MTHFD2L: variants seen among roughly 807,000 people sequenced by gnomAD.
The protein encoded by MTHFD2L is bifunctional methylenetetrahydrofolate dehydrogenase/cyclohydrolase 2, mitochondrial.
A neutral mutation model predicts 34.9 loss-of-function variants in MTHFD2L; 29 were observed. That is an observed-to-expected ratio of 0.83 (90% CI 0.62 to 1.13). The LOEUF is 1.13. Ranked by LOEUF, MTHFD2L falls within the 50% of genes most tolerant of loss-of-function variation. The pLI is 0.00. For missense variants in MTHFD2L, 481 were observed against 446.5 expected, an observed-to-expected ratio of 1.08 and a Z score of -0.70; for synonymous variants, 167 against 155.7, an observed-to-expected ratio of 1.07 and a Z score of -0.54.
At chr4:74,147,563 C>T (rs976375819) in intron 1 of MTHFD2L, among the ~76,000 whole-genome samples, 6 of 152,200 alleles carry the variant, frequency 3.9e-5, no homozygotes, top group African/African-American at 1.4e-4. Context: ...ATTCATAATG[C>T]TTCCTGCAGG....
chr4:74,191,363 C>T (rs479466), intron 3 of MTHFD2L, among the ~76,000 whole-genome samples: 149,508 of 150,890 alleles, frequency 0.99, 74,074 homozygotes, highest in Middle Eastern at 1. Flanking sequence ...TTTACCTGGT[C>T]GTTTTTTTTT....
rs937978095 is a variant in MTHFD2L at position 74,140,089 on chromosome 4, G to A, written c.-297+14572G>A. Among the ~76,000 whole-genome samples the A allele has an allele frequency of 4.6e-5, 7 of 152,260 alleles. No homozygotes were observed. The South Asian group carries it at 6.2e-4, about 14-fold the overall frequency. On this transcript the variant is annotated intron_variant, in intron 1 of 7. Coordinates refer to the MTHFD2L transcript ENST00000433372. ...CTAACACTTTAGGAGGCCCAGGTGGGTGGATGGATTGAGCTCAGGAGTTTG... is the reference window on the plus strand; with the variant it reads ...CTAACACTTTAGGAGGCCCAGGTGGATGGATGGATTGAGCTCAGGAGTTTG...
intron 2 of MTHFD2L, among the ~76,000 whole-genome samples, chr4:74,117,366 T>C (rs776875968): frequency 6.6e-6 from 1 of 152,162 alleles, no homozygotes; most frequent in Non-Finnish European, 1.5e-5. Flanking sequence ...CAGCTACTAT[T>C]GTTAAGAGGA....
chr4:74,122,515 G>T (rs963206993), upstream of MTHFD2L, among the ~76,000 whole-genome samples: 2 of 152,264 alleles, frequency 1.3e-5, no homozygotes, highest in Non-Finnish European at 2.9e-5. Flanking sequence ...AATTCAACTT[G>T]GGATTTGGGT....
At chr4:74,202,013 T>C (rs1385609225) in intron 5 of MTHFD2L, among the ~76,000 whole-genome samples, 1 of 152,220 alleles carries the variant, frequency 6.6e-6, no homozygotes, top group East Asian at 1.9e-4. Context: ...CCACAGACCC[T>C]GACCCAACGA....
intron 4 of MTHFD2L, among the ~76,000 whole-genome samples, chr4:74,200,453 C>T (rs1427578487): frequency 6.6e-6 from 1 of 152,124 alleles, no homozygotes; most frequent in Non-Finnish European, 1.5e-5. Flanking sequence ...ATATGTCGGC[C>T]TTTAAAATGT....
At chr4:74,211,383 T>C (rs1736293241) in intron 5 of MTHFD2L, among the ~76,000 whole-genome samples, 1 of 152,154 alleles carries the variant, frequency 6.6e-6, no homozygotes, top group Admixed American at 6.5e-5. Flanking sequence ...ATTGAGAGTG[T>C]TTAGTATGAA....
chr4:74,120,122 T>G (rs1239415334), upstream of MTHFD2L, among the ~76,000 whole-genome samples: 2 of 152,206 alleles, frequency 1.3e-5, no homozygotes, highest in Non-Finnish European at 2.9e-5. Flanking sequence ...TTGCTATTGG[T>G]GAAGAGTTGA....
rs1480820990 is a variant in MTHFD2L at position 74,158,183 on chromosome 4, T to G, written c.45T>G (p.Leu15=). Residue 15 remains leucine (L), a synonymous_variant, in exon 1 of 8, where the codon CTT becomes CTG. Coordinates refer to ENST00000325278, the MANE Select transcript of MTHFD2L (RefSeq NM_001144978.3). ...VRGFSLLRGR[L]GRAPALGRST... ...GCTTCTCGCTGCTCCGCGGCCGCCT[T>G]GGCCGAGCGCCGGCGTTGGGCAGAA... 7 of 1,526,640 alleles carry G rather than the reference T, an allele frequency of 4.6e-6. No homozygotes were observed. Among genetic ancestry groups the G allele is most frequent in the African/African-American group, 1.4e-5 (1 of 72,430 alleles). 94.6% of individuals were successfully genotyped at this position (1,526,640 alleles called of 1,614,324 possible).
At chr4:74,153,810 A>C (rs1330780103), upstream of MTHFD2L, among the ~76,000 whole-genome samples, 1 of 152,214 alleles carries the variant, frequency 6.6e-6, no homozygotes, top group East Asian at 1.9e-4. Flanking sequence ...TTCAGAAAAT[A>C]GTACTGAGTT....
intron 5 of MTHFD2L, among the ~76,000 whole-genome samples, chr4:74,223,305 A>T (rs116043884): frequency 0.01 from 1,593 of 152,080 alleles, 35 homozygotes; most frequent in African/African-American, 0.036. Flanking sequence ...AAAGAATGAG[A>T]TCACATCCTT....
intron 5 of MTHFD2L, among the ~76,000 whole-genome samples, chr4:74,206,302 TG>T (rs1735303745): frequency 6.6e-6 from 1 of 152,088 alleles, no homozygotes; most frequent in South Asian, 2.1e-4. Flanking sequence ...GTGGCTAACT[TG>T]GGTCGCAGTC....
chr4:74,254,525 A>G (rs1743737046), intron 6 of MTHFD2L, among the ~76,000 whole-genome samples: 1 of 151,772 alleles, frequency 6.6e-6, no homozygotes, highest in South Asian at 2.1e-4. Context: ...CTATCAACTA[A>G]GTATAATATA....
At chr4:74,237,008 T>A (rs1229931989) in intron 6 of MTHFD2L, among the ~76,000 whole-genome samples, 1 of 152,180 alleles carries the variant, frequency 6.6e-6, no homozygotes, top group Non-Finnish European at 1.5e-5. Context: ...AAAATATGCC[T>A]TTACATTTTG....
intron 7 of MTHFD2L, among the ~76,000 whole-genome samples, chr4:74,289,375 G>A (rs1748599857): frequency 6.6e-6 from 1 of 152,142 alleles, no homozygotes; most frequent in African/African-American, 2.4e-5. Flanking sequence ...CCTGGCTGGC[G>A]GTTTTTATGA....
chr4:74,251,397 T>A (rs558110840), intron 6 of MTHFD2L, among the ~76,000 whole-genome samples: 25 of 152,326 alleles, frequency 1.6e-4, no homozygotes, highest in African/African-American at 5.8e-4. Context: ...TTTCTATCAT[T>A]TGGTGGTTGT....
intron 6 of MTHFD2L, among the ~76,000 whole-genome samples, chr4:74,242,771 A>C (rs988551570): frequency 6.6e-6 from 1 of 152,190 alleles, no homozygotes; most frequent in Non-Finnish European, 1.5e-5. Context: ...AGCCTTAGAT[A>C]GCTGTTGCTC....
chr4:74,277,850 C>G (rs557491508), intron 6 of MTHFD2L, among the ~76,000 whole-genome samples: 1 of 151,840 alleles, frequency 6.6e-6, no homozygotes, highest in African/African-American at 2.4e-5. Flanking sequence ...AGATAGGTAG[C>G]CTAGGTTCAT....
At chr4:74,191,256 A>T (rs1732433110) in intron 3 of MTHFD2L, among the ~76,000 whole-genome samples, 1 of 152,124 alleles carries the variant, frequency 6.6e-6, no homozygotes, top group Admixed American at 6.5e-5. Context: ...AATATGGTAG[A>T]CATTCAGTAA....
Sources: allele counts gnomAD v4.1 joint callset (sites outside exome capture counted in the v4.1 genomes callset), GRCh38; gene constraint gnomAD v4.1.1; transcripts MANE v1.5; gene names NCBI Gene and HGNC (gene_info 2026-07-23, HGNC 2026-07-21).